The following TMEM132B variants were observed in gnomAD, a reference collection of about 807,000 sequenced individuals.
The protein encoded by TMEM132B is transmembrane protein 132B.
Under a neutral mutation model 90.8 loss-of-function variants are expected in TMEM132B, and 18 were observed. The ratio of observed to expected loss-of-function variants is 0.20; its 90% confidence interval spans 0.14 to 0.29. The LOEUF (loss-of-function observed/expected upper bound fraction) is 0.29. TMEM132B is among the 10% of genes least tolerant of loss of function. The probability of loss-of-function intolerance (pLI) is 1.00; values close to 1 mark genes in which losing one functional copy is unlikely to be tolerated. For synonymous variants in TMEM132B, 504 were observed against 523.3 expected (o/e 0.96, Z 0.50); for missense variants, 1,096 against 1,326.8 (o/e 0.83, Z 2.70).
At chr12:125,436,341 G>A (rs888580827) in intron 3 of TMEM132B, among the ~76,000 whole-genome samples, 10 of 152,214 alleles carry the variant, frequency 6.6e-5, no homozygotes, top group East Asian at 1.9e-4. Context: ...TGTTTGCCAT[G>A]CTCTCTTCCT....
rs910724632 is a variant in TMEM132B, at chr12:125,246,922, T to A, written c.67+60056T>A. ...GAGAGCCTGGGGTTTGTGGGGGAGGTGGTGGGGGTAGGGGCACAGTCAGGA... is the reference window on the plus strand; with the variant it reads ...GAGAGCCTGGGGTTTGTGGGGGAGGAGGTGGGGGTAGGGGCACAGTCAGGA... On this transcript the variant is annotated intron_variant, in intron 1 of 8. Transcript: ENST00000682704. This position sits in a 1 kb window ranked among gnomAD's most constrained non-coding sequence, Gnocchi z 4.2. 5.3e-5 allele frequency among the ~76,000 whole-genome samples: 8 copies of A among 150,978 alleles called. No homozygotes were observed. Among genetic ancestry groups the A allele is most frequent in the Admixed American group, 3.3e-4 (5 of 15,128 alleles).
chr12:125,415,770 C>A lies in TMEM132B; in HGVS notation c.1106+93C>A. 1 of 1,459,658 alleles carries A rather than the reference C, an allele frequency of 6.9e-7. No individual in the cohort carries two copies. Among genetic ancestry groups the A allele is most frequent in the Non-Finnish European group, 9.2e-7 (1 of 1,092,008 alleles). 90.4% of individuals were successfully genotyped at this position (1,459,658 alleles called of 1,614,324 possible). On this transcript the variant is annotated intron_variant, in intron 3 of 8. Transcript: ENST00000682704. The surrounding 1 kb of genome is among the most constrained non-coding windows in gnomAD (Gnocchi z 5.3). ...CAAAATAATGTGCGTGTGGATAAAG[C>A]GATGCCTCTGCGTTTAATGAGAAAT... is the stretch of plus-strand genomic sequence containing the variant.
chr12:125,411,702 A>T (rs956597004), intron 2 of TMEM132B, among the ~76,000 whole-genome samples: 1 of 152,006 alleles, frequency 6.6e-6, no homozygotes, highest in African/African-American at 2.4e-5. Context: ...AGAGCTTAGC[A>T]GCAATTAGCT....
intron 3 of TMEM132B, among the ~76,000 whole-genome samples, chr12:125,468,161 G>A (rs770024995): frequency 1.3e-5 from 2 of 151,968 alleles, no homozygotes; most frequent in Non-Finnish European, 2.9e-5. Flanking sequence ...GTAACTCTAT[G>A]TTTAACTTTT....
chr12:125,525,399 G>A (rs1376108032), intron 4 of TMEM132B, among the ~76,000 whole-genome samples: 11 of 152,230 alleles, frequency 7.2e-5, no homozygotes, highest in Admixed American at 7.2e-4. Flanking sequence ...CAAATGGATG[G>A]CTTCCTTATA....
chr12:125,227,753 C>G (rs1021488205), intron 1 of TMEM132B, among the ~76,000 whole-genome samples: 1 of 152,164 alleles, frequency 6.6e-6, no homozygotes, highest in South Asian at 2.1e-4. Context: ...ACGATTGACA[C>G]CTGTGAGTTT....
chr12:125,212,415 G>A (rs182592608), intron 1 of TMEM132B, among the ~76,000 whole-genome samples: 12 of 152,102 alleles, frequency 7.9e-5, no homozygotes, highest in African/African-American at 2.9e-4. Context: ...GGGCTTGGCC[G>A]GGCGTGGTGG....
chr12:125,255,335 A>G (rs1874414022), intron 1 of TMEM132B, among the ~76,000 whole-genome samples: 1 of 149,434 alleles, frequency 6.7e-6, no homozygotes, highest in African/African-American at 2.5e-5. Context: ...CTTTCTCTGT[A>G]TGTGGGCGCG....
intron 2 of TMEM132B, among the ~76,000 whole-genome samples, chr12:125,366,906 C>T (rs931217822): frequency 6.6e-6 from 1 of 152,064 alleles, no homozygotes; most frequent in Non-Finnish European, 1.5e-5. Context: ...ATTGATTTAT[C>T]TTCAAATTCA....
At chr12:125,433,786 T>TA (rs35597931) in intron 3 of TMEM132B, among the ~76,000 whole-genome samples, 16,862 of 151,180 alleles carry the variant, frequency 0.11, 995 homozygotes, top group Middle Eastern at 0.21. Flanking sequence ...TATGCAGCCA[T>TA]AAAAAATGAT....
chr12:125,575,078 A>ATATATATATATATAT (rs1311570495), intron 4 of TMEM132B, among the ~76,000 whole-genome samples: 1 of 108,964 alleles, frequency 9.2e-6, no homozygotes, highest in African/African-American at 3.4e-5. Context: ...ATATATATAT[A>ATATATATATATATAT]TATATTCAGG....
intron 4 of TMEM132B, among the ~76,000 whole-genome samples, chr12:125,553,906 T>C (rs1218722293): frequency 6.6e-6 from 1 of 152,146 alleles, no homozygotes; most frequent in Non-Finnish European, 1.5e-5. Flanking sequence ...TGAAAATGAC[T>C]GTGCAAGCTC....
Position 125,650,633 on chromosome 12 carries a change from A to C in TMEM132B, c.1644-50A>C, listed in dbSNP as rs374567090. 9.4e-5 allele frequency: 149 copies of C among 1,581,980 alleles called. 1 individual carries two copies. In the East Asian group the frequency reaches 2.6e-3, roughly 27 times the overall value. On this transcript the variant is annotated intron_variant, in intron 6 of 8. Coordinates refer to ENST00000682704, the MANE Select transcript of TMEM132B (RefSeq NM_001366854.1). ...GAATCTGAAAAACAAGGGCATGCAGAACTTCTTAACAATGAAGACTTTGTT... is the reference window on the plus strand; with the variant it reads ...GAATCTGAAAAACAAGGGCATGCAGCACTTCTTAACAATGAAGACTTTGTT...
At chr12:125,501,190 T>C (rs1402223564) in intron 3 of TMEM132B, among the ~76,000 whole-genome samples, 1 of 152,166 alleles carries the variant, frequency 6.6e-6, no homozygotes, top group Non-Finnish European at 1.5e-5. Flanking sequence ...TGTGGAGAAT[T>C]GCCAGATAAA....
intron 3 of TMEM132B, among the ~76,000 whole-genome samples, chr12:125,512,507 A>G (rs34339226): frequency 0.12 from 18,697 of 152,202 alleles, 1,679 homozygotes; most frequent in Admixed American, 0.29. Context: ...AAGGAACCCA[A>G]TTTCTTAGAG....
chr12:125,489,458 G>A (rs1882294169), intron 3 of TMEM132B, among the ~76,000 whole-genome samples: 1 of 151,848 alleles, frequency 6.6e-6, no homozygotes, highest in African/African-American at 2.4e-5. Flanking sequence ...GCCCAGGTTG[G>A]AATGCAGTGG....
chr12:125,503,540 A>G (rs1882752476), intron 3 of TMEM132B, among the ~76,000 whole-genome samples: 1 of 152,186 alleles, frequency 6.6e-6, no homozygotes, highest in Non-Finnish European at 1.5e-5. Context: ...TTCTGAAAAT[A>G]AGATTGATGT....
chr12:125,622,492 A>C, intron 5 of TMEM132B: 1 of 985,384 alleles, frequency 1.0e-6, no homozygotes, highest in East Asian at 1.1e-4. Context: ...GCTGGAAAGG[A>C]CTCACAGTCA....
intron 4 of TMEM132B, among the ~76,000 whole-genome samples, chr12:125,529,218 G>A (rs1451042193): frequency 2.6e-5 from 4 of 152,010 alleles, no homozygotes; most frequent in African/African-American, 9.7e-5. Context: ...CCAAGTAGCT[G>A]GGACCACAGG....
Sources: gnomAD v4.1 joint callset for allele counts (sites outside exome capture counted in the v4.1 genomes callset) on GRCh38, gnomAD v4.1.1 for gene constraint, Gnocchi (gnomAD v3.1) non-coding constraint, MANE v1.5 for transcripts, NCBI Gene and HGNC (gene_info 2026-07-23, HGNC 2026-07-21) for gene names.